Variants in PCDHGB5 observed in about 807,000 individuals in gnomAD.
PCDHGB5 encodes protocadherin gamma subfamily B, 5, also known as protocadherin gamma-B5.
Under a neutral mutation model 62.9 loss-of-function variants are expected in PCDHGB5, and 48 were observed. The observed-to-expected ratio is 0.76, with a 90% CI of 0.61 to 0.97. The LOEUF is 0.97. Ranked by LOEUF, PCDHGB5 falls within the 50% of genes least tolerant of loss-of-function variation. The pLI, the probability that PCDHGB5 is intolerant of heterozygous loss-of-function variation, is 0.00. For synonymous variants in PCDHGB5, 474 were observed against 511.2 expected (o/e 0.93, Z 0.98); for missense variants, 1,118 against 1,198.6 (o/e 0.93, Z 0.99).
In PCDHGB5 at chr5:141,477,670, A is replaced by G; in HGVS notation, c.2398-17137A>G. 1 of 1,614,198 alleles carries G rather than the reference A, an allele frequency of 6.2e-7. No individual in the cohort carries two copies. The highest frequency in any genetic ancestry group is 1.7e-5 in the Admixed American group (1 of 60,028). ...TCACAATAAATCGTGACAATGGCAT[A>G]GTGTCATCCTTAGTGCCCCTAGACT... On this transcript the variant is annotated intron_variant, in intron 1 of 3. Coordinates refer to ENST00000617380, the MANE Select transcript of PCDHGB5 (RefSeq NM_018925.3). This position sits in a 1 kb window ranked among gnomAD's most constrained non-coding sequence, Gnocchi z 4.9.
In PCDHGB5 at chr5:141,493,577, T is replaced by C. The variant is rs2099749081; in HGVS notation, c.2398-1230T>C. On this transcript the variant is annotated intron_variant, in intron 1 of 3. Coordinates refer to ENST00000617380, the MANE Select transcript of PCDHGB5 (RefSeq NM_018925.3). This position sits in a 1 kb window ranked among gnomAD's most constrained non-coding sequence, Gnocchi z 4.3. ...GAGTTCCCCCAGCTCCGTTTCCTCC[T>C]ATCACAATCACTGCATTTCCATGTA... Among the ~76,000 whole-genome samples, 2 of 152,208 alleles carry C rather than the reference T, an allele frequency of 1.3e-5. No homozygotes were observed. The highest frequency in any genetic ancestry group is 1.3e-4 in the Admixed American group (2 of 15,280).
Position 141,419,399 on chromosome 5 carries a change from G to C in PCDHGB5, c.2397+18875G>C, listed in dbSNP as rs893535249. On this transcript the variant is annotated intron_variant, in intron 1 of 3. Coordinates refer to ENST00000617380, the MANE Select transcript of PCDHGB5 (RefSeq NM_018925.3). ...GTCCGTGAGCGCGCAGAGCGGGGTG[G>C]TGTTCGCGCAGCGCGCCTTCGACCA... 1.7e-5 allele frequency: 28 copies of C among 1,613,470 alleles called. No individual in the cohort carries two copies. Among genetic ancestry groups the C allele is most frequent in the Admixed American group, 1.7e-5 (1 of 60,014 alleles).
chr5:141,490,908 C>T lies in PCDHGB5; in HGVS notation c.2398-3899C>T, dbSNP rs201078924. On this transcript the variant is annotated intron_variant, in intron 1 of 3. Coordinates refer to ENST00000617380, the MANE Select transcript of PCDHGB5 (RefSeq NM_018925.3). This position sits in a 1 kb window ranked among gnomAD's most constrained non-coding sequence, Gnocchi z 5.4. The stretch of plus-strand genomic sequence containing the variant: ...CATCTCTGCATGTGTTTGTCCTAGA[C>T]GAGAATGATAATGCCCCAGCTGTGC... 42 of 1,613,710 alleles carry T rather than the reference C, an allele frequency of 2.6e-5. No homozygotes were observed. The highest frequency in any genetic ancestry group is 8.3e-5 in the Admixed American group (5 of 60,018).
intron 1 of PCDHGB5, among the ~76,000 whole-genome samples, chr5:141,465,545 C>T (rs2099105349): frequency 6.6e-6 from 1 of 152,146 alleles, no homozygotes; most frequent in South Asian, 2.1e-4. Context: ...GGCATTTTTT[C>T]TGCTGAAGCT....
chr5:141,410,032 G>C (rs1395086834), intron 1 of PCDHGB5: 5 of 1,613,162 alleles, frequency 3.1e-6, no homozygotes, highest in African/African-American at 1.3e-5. Flanking sequence ...ACGTGCTGCA[G>C]GCCAGTGAGC....
intron 1 of PCDHGB5, chr5:141,405,303 G>C: frequency 1.2e-6 from 2 of 1,614,230 alleles, no homozygotes; most frequent in African/African-American, 1.3e-5. Context: ...AGCCAGCAGA[G>C]CTGTGAGAAA....
rs200317374 is a variant in PCDHGB5 at position 141,408,395 on chromosome 5, A to G, written c.2397+7871A>G. On this transcript the variant is annotated intron_variant, in intron 1 of 3. Coordinates refer to ENST00000617380, the MANE Select transcript of PCDHGB5 (RefSeq NM_018925.3). ...CAGTGTCCTGGATGTGTCGGCTCGC[A>G]AGCTGCGAGTGAGCGCGGAGAAGCT... 8.8e-3 allele frequency: 14,159 copies of G among 1,613,888 alleles called. 310 individuals are homozygous for G. Among genetic ancestry groups the G allele is most frequent in the South Asian group, 0.064 (5,857 of 91,072 alleles).
At position 141,431,209 on chromosome 5, in the gene PCDHGB5, G is replaced by C; in HGVS notation, c.2397+30685G>C. Reference sequence around the variant, plus strand: ...TTAGTGAAAATGCAGCCACTGAGATGCGGTTCCCTCTACCCCACGCCTGGG... The same window carrying C: ...TTAGTGAAAATGCAGCCACTGAGATCCGGTTCCCTCTACCCCACGCCTGGG... On this transcript the variant is annotated intron_variant, in intron 1 of 3. Coordinates refer to ENST00000617380, the MANE Select transcript of PCDHGB5 (RefSeq NM_018925.3). The surrounding 1 kb of genome is among the most constrained non-coding windows in gnomAD (Gnocchi z 4.8). 6.2e-7 allele frequency: 1 copy of C among 1,614,190 alleles called. No homozygotes were observed. Among genetic ancestry groups the C allele is most frequent in the Non-Finnish European group, 8.5e-7 (1 of 1,180,038 alleles).
Position 141,418,052 on chromosome 5 carries a change from G to A in PCDHGB5, c.2397+17528G>A, listed in dbSNP as rs202112422. 1.2e-3 allele frequency: 1,918 copies of A among 1,613,866 alleles called. 6 individuals are homozygous for A. Among genetic ancestry groups the A allele is most frequent in the East Asian group, 2.1e-3 (96 of 44,758 alleles). On this transcript the variant is annotated intron_variant, in intron 1 of 3. Coordinates refer to ENST00000617380, the MANE Select transcript of PCDHGB5 (RefSeq NM_018925.3). ...TAGTGTCCTGGATGTGTCGGCTCGC[G>A]AGCTGCGAGTGAGCGCGGAGAAGCT...
intron 1 of PCDHGB5, among the ~76,000 whole-genome samples, chr5:141,474,248 A>G (rs2099346089): frequency 6.6e-6 from 1 of 152,220 alleles, no homozygotes; most frequent in African/African-American, 2.4e-5. Context: ...TAGGGGAAAA[A>G]AAGACTGATA....
chr5:141,439,889 C>T (rs997306014), intron 1 of PCDHGB5: 1 of 152,348 alleles, frequency 6.6e-6, no homozygotes, highest in Admixed American at 6.5e-5. Context: ...CTGGGTAGAA[C>T]CAAGGCGACT....
At chr5:141,421,080 C>G in intron 1 of PCDHGB5, 1 of 638,368 alleles carries the variant, frequency 1.6e-6, no homozygotes, top group South Asian at 2.1e-5. Flanking sequence ...GATGGATACT[C>G]ACAGATCCTG....
Position 141,485,337 on chromosome 5 carries a change from A to G in PCDHGB5, c.2398-9470A>G, listed in dbSNP as rs147409155. On this transcript the variant is annotated intron_variant, in intron 1 of 3. Transcript: ENST00000617380. The surrounding 1 kb of genome is among the most constrained non-coding windows in gnomAD (Gnocchi z 5.7). ...AATGTCGCTCAAGATTTCCTGCTGG[A>G]TACGGACAGTCTGTCAGCTCGCAGG... 4.3e-5 allele frequency: 70 copies of G among 1,614,012 alleles called. No individual in the cohort carries two copies. Among genetic ancestry groups the G allele is most frequent in the Non-Finnish European group, 5.7e-5 (67 of 1,180,016 alleles).
chr5:141,495,545 A>G (rs1174346915), intron 2 of PCDHGB5, among the ~76,000 whole-genome samples: 3 of 151,824 alleles, frequency 2.0e-5, no homozygotes, highest in Non-Finnish European at 4.4e-5. Flanking sequence ...CTCAGTCTCT[A>G]TCTCGCTTTG....
At chr5:141,403,120 C>G (rs2094357495) in intron 1 of PCDHGB5, 3 of 1,614,050 alleles carry the variant, frequency 1.9e-6, no homozygotes, top group South Asian at 2.2e-5. Context: ...CTCTGGAGCC[C>G]CGGGAGCTGG....
chr5:141,476,382 A>G lies in PCDHGB5; in HGVS notation c.2398-18425A>G, dbSNP rs777831089. ...CGGGAGACCGGAGAGATGTTTGTGA[A>G]CGACCGTCTGGATCGAGAGGAGCTG... On this transcript the variant is annotated intron_variant, in intron 1 of 3. Transcript: ENST00000617380. This position sits in a 1 kb window ranked among gnomAD's most constrained non-coding sequence, Gnocchi z 7.6. 3.7e-6 allele frequency: 6 copies of G among 1,613,866 alleles called. No individual in the cohort carries two copies. The East Asian group carries it at 1.3e-4, about 36-fold the overall frequency.
chr5:141,423,757 G>GGC, intron 1 of PCDHGB5: 1 of 395,122 alleles, frequency 2.5e-6, no homozygotes, highest in East Asian at 1.5e-4. Context: ...GTTTGGGGGG[G>GGC]GGGTGGGGCG....
chr5:141,430,996 G>T, intron 1 of PCDHGB5: 1 of 1,614,024 alleles, frequency 6.2e-7, no homozygotes, highest in Middle Eastern at 1.6e-4. Flanking sequence ...CCCTGAATCC[G>T]CGCAGCGGCA....
chr5:141,413,043 C>A, intron 1 of PCDHGB5: 1 of 864,340 alleles, frequency 1.2e-6, no homozygotes, highest in Non-Finnish European at 1.7e-6. Flanking sequence ...TGCTGGGCTG[C>A]AGGGAAGCTC....
Sources: gnomAD v4.1 joint callset for allele counts (sites outside exome capture counted in the v4.1 genomes callset) on GRCh38, gnomAD v4.1.1 for gene constraint, Gnocchi (gnomAD v3.1) non-coding constraint, MANE v1.5 for transcripts, NCBI Gene and HGNC (gene_info 2026-07-23, HGNC 2026-07-21) for gene names.